Variants in DPP10 observed in about 807,000 individuals in gnomAD.
DPP10 encodes the protein dipeptidyl peptidase like 10.
In DPP10, 33 loss-of-function variants were observed where a neutral mutation model predicts 120.9. The ratio of observed to expected loss-of-function variants is 0.27; its 90% confidence interval spans 0.21 to 0.37. The LOEUF (loss-of-function observed/expected upper bound fraction) is 0.37. DPP10 is among the 10% of genes least tolerant of loss of function. DPP10 has a pLI of 1.00. For missense variants in DPP10, 816 were observed against 942.8 expected (o/e 0.87, Z 1.76); for synonymous variants, 337 against 326.1 (o/e 1.03, Z -0.36).
At chr2:115,372,544 C>T (rs2065484666) in intron 3 of DPP10, among the ~76,000 whole-genome samples, 3 of 152,100 alleles carry the variant, frequency 2.0e-5, no homozygotes, top group Admixed American at 2.0e-4. Flanking sequence ...AAAAACGTAG[C>T]CAGTATGAAA....
chr2:114,981,213 G>A (rs1198524914), intron 1 of DPP10, among the ~76,000 whole-genome samples: 1 of 152,080 alleles, frequency 6.6e-6, no homozygotes. Flanking sequence ...TACGATGTCT[G>A]TGCAAAGGGC....
chr2:114,798,742 G>A (rs1683927938), intron 1 of DPP10, among the ~76,000 whole-genome samples: 1 of 152,122 alleles, frequency 6.6e-6, no homozygotes. Flanking sequence ...CATAGATGTG[G>A]TCACCTCGTC....
At chr2:114,896,111 G>A (rs938077132) in intron 1 of DPP10, among the ~76,000 whole-genome samples, 1 of 152,196 alleles carries the variant, frequency 6.6e-6, no homozygotes, top group Non-Finnish European at 1.5e-5. Flanking sequence ...TTTGGTAACA[G>A]TACCATGCTG....
intron 3 of DPP10, among the ~76,000 whole-genome samples, chr2:115,471,072 G>C (rs895390585): frequency 6.6e-6 from 1 of 152,026 alleles, no homozygotes; most frequent in African/African-American, 2.4e-5. Flanking sequence ...AATAGAATCT[G>C]AGCATTAATA....
Position 115,119,483 on chromosome 2 carries a change from C to T in DPP10, c.61-189756C>T, listed in dbSNP as rs78927123. 3.6e-3 allele frequency among the ~76,000 whole-genome samples: 553 copies of T among 152,242 alleles called. 3 individuals are homozygous for T. Among genetic ancestry groups the T allele is most frequent in the African/African-American group, 0.013 (536 of 41,544 alleles). On this transcript the variant is annotated intron_variant, in intron 1 of 25. Transcript: ENST00000410059. ...ATGGGGGGCCCTCTCCTGTCCTGCT[C>T]GAGTATGCCTACCTAGGTACTCTAG...
At chr2:115,243,138 T>C (rs1317314596) in intron 1 of DPP10, among the ~76,000 whole-genome samples, 1 of 152,230 alleles carries the variant, frequency 6.6e-6, no homozygotes, top group Admixed American at 6.5e-5. Context: ...ATTTTACCAC[T>C]GCATAACATG....
At chr2:115,326,360 G>A (rs2106135797) in intron 2 of DPP10, among the ~76,000 whole-genome samples, 1 of 152,100 alleles carries the variant, frequency 6.6e-6, no homozygotes, top group East Asian at 1.9e-4. Flanking sequence ...AACCTACTGT[G>A]TTGCCTGTCC....
At chr2:114,588,648 TAA>T (rs370808889) in intron 1 of DPP10, among the ~76,000 whole-genome samples, 8 of 152,324 alleles carry the variant, frequency 5.3e-5, no homozygotes, top group African/African-American at 1.9e-4. Context: ...TTAAAAAATT[TAA>T]AAAGAGTTGA....
intron 5 of DPP10, among the ~76,000 whole-genome samples, chr2:115,570,713 A>G (rs2081288237): frequency 6.6e-6 from 1 of 152,246 alleles, no homozygotes. Flanking sequence ...TGTTAAAAGA[A>G]CATACGTAGG....
intron 1 of DPP10, among the ~76,000 whole-genome samples, chr2:115,154,892 CTTTTTTT>C (rs34462965): frequency 7.3e-6 from 1 of 136,518 alleles, no homozygotes; most frequent in Non-Finnish European, 1.6e-5. Context: ...TTTGCCATTA[CTTTTTTT>C]TTTTTTTTTT....
intron 12 of DPP10, among the ~76,000 whole-genome samples, chr2:115,764,807 T>G (rs1680524280): frequency 6.6e-6 from 1 of 152,146 alleles, no homozygotes; most frequent in Non-Finnish European, 1.5e-5. Flanking sequence ...TAGAGTTATA[T>G]GAAATTTAAT....
chr2:115,339,382 G>C (rs1443446043), intron 2 of DPP10, among the ~76,000 whole-genome samples: 1 of 151,818 alleles, frequency 6.6e-6, no homozygotes, highest in African/African-American at 2.4e-5. Context: ...TAAAACTACT[G>C]TAAAAAAGCA....
chr2:115,125,435 T>C (rs1340182017), intron 1 of DPP10, among the ~76,000 whole-genome samples: 3 of 152,168 alleles, frequency 2.0e-5, no homozygotes, highest in African/African-American at 7.2e-5. Flanking sequence ...GAAAATGGTA[T>C]TTCCAATTTC....
intron 1 of DPP10, among the ~76,000 whole-genome samples, chr2:114,496,759 G>A (rs1682554331): frequency 6.6e-6 from 1 of 151,988 alleles, no homozygotes; most frequent in Non-Finnish European, 1.5e-5. Context: ...GTCACAATGA[G>A]GCTGGTTTGG....
intron 1 of DPP10, among the ~76,000 whole-genome samples, chr2:114,871,258 A>AATCAGGTATATTTTAAGGG (rs769502923): frequency 1.3e-5 from 2 of 151,754 alleles, no homozygotes; most frequent in African/African-American, 4.8e-5. Flanking sequence ...GGGGGAAAGA[A>AATCAGGTATATTTTAAGGG]CACTGAAGAA....
intron 1 of DPP10, among the ~76,000 whole-genome samples, chr2:114,600,711 T>C (rs1692288988): frequency 6.6e-6 from 1 of 151,874 alleles, no homozygotes; most frequent in Non-Finnish European, 1.5e-5. Context: ...ATTTCTAGCC[T>C]AAGTTGGTGT....
intron 1 of DPP10, among the ~76,000 whole-genome samples, chr2:115,107,515 C>T (rs977189092): frequency 9.3e-5 from 12 of 128,868 alleles, no homozygotes; most frequent in African/African-American, 3.4e-4. Flanking sequence ...ATTTTAAAAT[C>T]CAGGAGCCAA....
intron 17 of DPP10, among the ~76,000 whole-genome samples, chr2:115,788,962 C>G (rs1201414059): frequency 6.6e-6 from 1 of 151,756 alleles, no homozygotes. Context: ...ACTAAAAATA[C>G]AAAAAATTAG....
intron 2 of DPP10, among the ~76,000 whole-genome samples, chr2:115,332,130 A>G (rs888867348): frequency 4.6e-5 from 7 of 152,074 alleles, no homozygotes; most frequent in African/African-American, 1.4e-4. Context: ...CAGAGATTCA[A>G]CTTCTTCCTG....
Sources: gnomAD v4.1 joint callset for allele counts (sites outside exome capture counted in the v4.1 genomes callset) on GRCh38, gnomAD v4.1.1 for gene constraint, MANE v1.5 for transcripts, NCBI Gene and HGNC (gene_info 2026-07-23, HGNC 2026-07-21) for gene names.